The following CACUL1 variants were observed in gnomAD, a reference collection of about 807,000 sequenced individuals.
The protein encoded by CACUL1 is CDK2-associated and cullin domain-containing protein 1.
A neutral mutation model predicts 45.2 loss-of-function variants in CACUL1; 13 were observed. The observed-to-expected ratio is 0.29, with a 90% CI of 0.19 to 0.46. CACUL1 has a LOEUF of 0.46. CACUL1 is among the 20% of genes least tolerant of loss of function. The probability of loss-of-function intolerance (pLI) is 1.00; values close to 1 mark genes in which losing one functional copy is unlikely to be tolerated. For synonymous variants in CACUL1, 197 were observed against 174.2 expected, an observed-to-expected ratio of 1.13 and a Z score of -1.03; for missense variants, 421 against 471.4, an observed-to-expected ratio of 0.89 and a Z score of 0.99.
intron 3 of CACUL1, among the ~76,000 whole-genome samples, chr10:118,728,678 T>C (rs1845673843): frequency 6.6e-6 from 1 of 152,196 alleles, no homozygotes. Context: ...CTGTCATTAT[T>C]TTCAAAGGCA....
At chr10:118,693,692 T>A (rs755592690) in intron 6 of CACUL1, 1 of 455,838 alleles carries the variant, frequency 2.2e-6, no homozygotes, top group African/African-American at 2.0e-5. Flanking sequence ...ATTCATAACC[T>A]GGTACACACA....
At chr10:118,728,372 G>A (rs1171676031) in intron 3 of CACUL1, among the ~76,000 whole-genome samples, 2 of 149,608 alleles carry the variant, frequency 1.3e-5, no homozygotes, top group Non-Finnish European at 3.0e-5. Flanking sequence ...GGAGTGCAGC[G>A]ACGCAATCTC....
At chr10:118,745,898 G>A (rs1845838497) in intron 1 of CACUL1, among the ~76,000 whole-genome samples, 2 of 151,924 alleles carry the variant, frequency 1.3e-5, no homozygotes, top group Admixed American at 1.3e-4. Flanking sequence ...CAGCACTTTG[G>A]GAAGCCGAGG....
At chr10:118,754,147 T>C (rs1354968202) in intron 1 of CACUL1, among the ~76,000 whole-genome samples, 2 of 151,990 alleles carry the variant, frequency 1.3e-5, no homozygotes, top group East Asian at 3.9e-4. Context: ...TGGGGCTCCG[T>C]GTGTACCAGG....
At chr10:118,724,496 G>C (rs1410498151) in intron 3 of CACUL1, among the ~76,000 whole-genome samples, 1 of 152,112 alleles carries the variant, frequency 6.6e-6, no homozygotes, top group Non-Finnish European at 1.5e-5. Context: ...TTCCCACTAG[G>C]AACCCCTGCA....
rs1267028584 is a variant in CACUL1 at position 118,677,625 on chromosome 10, C to T, written c.*8503G>A. ...ATTTTGAACTTTACATAAAGGTACC[C>T]ATGCTGGCTCTATTCTGACTTCACT... is the stretch of plus-strand genomic sequence containing the variant. On this transcript the variant is annotated 3_prime_UTR_variant, in exon 9 of 9. Transcript: ENST00000369151. 6.6e-6 allele frequency: 1 copy of T among 152,176 alleles called. No homozygotes were observed. The highest frequency in any genetic ancestry group is 2.4e-5 in the African/African-American group (1 of 41,436). The allele number at this position is 152,176 out of a possible 1,614,324, so 9.4% of individuals were successfully genotyped here.
chr10:118,754,354 A>T (rs1468380207), intron 1 of CACUL1, 42 bp downstream of exon 1: 1 of 1,459,798 alleles, frequency 6.9e-7, no homozygotes, highest in Non-Finnish European at 9.1e-7. Flanking sequence ...CGTCCGAGTG[A>T]GGTGGAGAAA....
chr10:118,723,982 G>C (rs765995647), intron 3 of CACUL1, among the ~76,000 whole-genome samples: 3 of 152,086 alleles, frequency 2.0e-5, no homozygotes, highest in Non-Finnish European at 4.4e-5. Context: ...GGCCAGGCTG[G>C]TCTTTAACTC....
chr10:118,686,266 C>A, intron 8 of CACUL1, 98 bp from the exon 9 acceptor site: 2 of 1,041,332 alleles, frequency 1.9e-6, no homozygotes, highest in East Asian at 2.4e-5. Context: ...ACTCCTCTCC[C>A]AACTCCCCAA....
rs1241239999 is a variant in CACUL1 at position 118,680,654 on chromosome 10, C to T, written c.*5474G>A. On this transcript the variant is annotated 3_prime_UTR_variant, in exon 9 of 9. Coordinates refer to ENST00000369151, the MANE Select transcript of CACUL1 (RefSeq NM_153810.5). ...AGTCCAAAAGTTGATTAAAGGTCCA[C>T]AGAAGAAACTGTACAGTGTTTAAAA... 1.3e-5 allele frequency: 2 copies of T among 152,180 alleles called. No homozygotes were observed. The highest frequency in any genetic ancestry group is 2.4e-5 in the African/African-American group (1 of 41,440). The allele number at this position is 152,180 out of a possible 1,614,324, so 9.4% of individuals were successfully genotyped here. A position where few individuals can be genotyped will look rare whatever the true frequency, so the allele number is the denominator to read the frequency against.
At chr10:118,690,396 T>C (rs1035512646) in intron 7 of CACUL1, among the ~76,000 whole-genome samples, 37 of 152,008 alleles carry the variant, frequency 2.4e-4, no homozygotes, top group South Asian at 6.2e-4. Context: ...TACAGGCTAT[T>C]TTCTCATGGG....
At chr10:118,739,391 A>G (rs115593483) in intron 1 of CACUL1, among the ~76,000 whole-genome samples, 313 of 150,940 alleles carry the variant, frequency 2.1e-3, no homozygotes, top group African/African-American at 7.2e-3. Context: ...ACATTAATAT[A>G]AAAAAAAGAA....
intron 3 of CACUL1, among the ~76,000 whole-genome samples, chr10:118,725,949 T>C (rs763436622): frequency 2.0e-5 from 3 of 152,218 alleles, no homozygotes; most frequent in Non-Finnish European, 4.4e-5. Context: ...ATATAAACTA[T>C]ACAAACCCAC....
In CACUL1 at chr10:118,685,961, T is replaced by TTTTTG; in HGVS notation, c.*162_*166dup. ...GCAGCAACGTTTTTTTTTTTTTTAG[T>TTTTTG]TTTTGTTTTAAAATTACAAACCAAG... On this transcript the variant is annotated 3_prime_UTR_variant, in exon 9 of 9. Transcript: ENST00000369151. The TTTTTG allele has an allele frequency of 2.3e-6, 1 of 428,838 alleles. No homozygotes were observed. The highest frequency in any genetic ancestry group is 4.2e-6 in the Non-Finnish European group (1 of 238,458). 26.6% of individuals were successfully genotyped at this position (428,838 alleles called of 1,614,324 possible).
Position 118,754,502 on chromosome 10 carries a change from C to G in CACUL1, c.261G>C (p.Val87=). 1 of 1,613,262 alleles carries G rather than the reference C, an allele frequency of 6.2e-7. No individual in the cohort carries two copies. Among genetic ancestry groups the G allele is most frequent in the South Asian group, 1.1e-5 (1 of 91,014 alleles). ...GPQPPPEANG[V]IMMLKSCDAA... is the part of the protein sequence containing the mutation. ...CGTCGCAGCTCTTCAACATCATGAT[C>G]ACCCCATTAGCCTCCGGCGGTGGCT... Residue 87 remains valine, a synonymous_variant, in exon 1 of 9, where the codon GTG becomes GTC. Transcript: ENST00000369151.
chr10:118,713,520 A>G (rs1845512905), intron 3 of CACUL1, among the ~76,000 whole-genome samples: 2 of 152,120 alleles, frequency 1.3e-5, no homozygotes, highest in Non-Finnish European at 2.9e-5. Context: ...ATTACTCCAA[A>G]CTTGCTCCAA....
At chr10:118,750,181 C>G (rs1845883230) in intron 1 of CACUL1, among the ~76,000 whole-genome samples, 1 of 152,090 alleles carries the variant, frequency 6.6e-6, no homozygotes, top group African/African-American at 2.4e-5. Context: ...CAAAAATTAG[C>G]CGGGCATGGT....
intron 1 of CACUL1, among the ~76,000 whole-genome samples, chr10:118,732,647 A>G (rs1055829984): frequency 2.6e-5 from 4 of 152,118 alleles, no homozygotes; most frequent in African/African-American, 9.7e-5. Context: ...CCCCTGTGCT[A>G]TACTGACTCC....
intron 1 of CACUL1, among the ~76,000 whole-genome samples, chr10:118,739,138 G>GTT (rs1845768812): frequency 6.6e-6 from 1 of 151,558 alleles, no homozygotes; most frequent in South Asian, 2.1e-4. Flanking sequence ...GGAGCTTGCA[G>GTT]TGAGCCGAGA....
Sources: allele counts gnomAD v4.1 joint callset (sites outside exome capture counted in the v4.1 genomes callset), GRCh38; gene constraint gnomAD v4.1.1; transcripts MANE v1.5; gene names NCBI Gene and HGNC (gene_info 2026-07-23, HGNC 2026-07-21).